Variants in PACSIN2 observed in about 807,000 individuals in gnomAD.
PACSIN2 encodes protein kinase C and casein kinase substrate in neurons 2.
Under a neutral mutation model 63.8 loss-of-function variants are expected in PACSIN2, and 25 were observed. That is an observed-to-expected ratio of 0.39 (90% CI 0.29 to 0.55). The LOEUF (loss-of-function observed/expected upper bound fraction) is 0.55. Among genes scored for constraint, PACSIN2 ranks in the 20% least tolerant of loss-of-function variants. PACSIN2 has a pLI of 0.62. For missense variants in PACSIN2, 518 were observed against 646.9 expected, an observed-to-expected ratio of 0.80 and a Z score of 2.16; for synonymous variants, 255 against 256.2, an observed-to-expected ratio of 1.00 and a Z score of 0.05.
rs1929679126 is a variant in PACSIN2 at position 42,888,772 on chromosome 22, A to G, written c.480T>C (p.His160=). 2 of 1,614,072 alleles carry G rather than the reference A, an allele frequency of 1.2e-6. No individual in the cohort carries two copies. The highest frequency in any genetic ancestry group is 1.7e-6 in the Non-Finnish European group (2 of 1,180,034). ...CCAGCTTCTCCTCTTTGCACGCTGC[A>G]TGGTGGGCTTTCTTTGCTGCTTCTA... ...KEVEAAKKAH[H]AACKEEKLAI... is the part of the protein sequence containing the mutation. The change falls in exon 5 of 11, where the codon CAT becomes CAC. Residue 160 remains histidine, a synonymous_variant. Transcript: ENST00000263246.
Position 42,881,756 on chromosome 22 carries a change from T to C in PACSIN2, c.906+428A>G, listed in dbSNP as rs186286847. 6.0e-4 allele frequency among the ~76,000 whole-genome samples: 91 copies of C among 151,784 alleles called. 1 individual carries two copies. The highest frequency in any genetic ancestry group is 3.1e-3 in the Admixed American group (47 of 15,264). ...AGGGAAAAGTCCTTTGTTGGAAGGG[T>C]AGGGAGGGCTGCCCACTGAGACCAC... On this transcript the variant is annotated intron_variant, in intron 7 of 10. Transcript: ENST00000263246.
chr22:42,872,806 G>A (rs1187317778), intron 10 of PACSIN2, among the ~76,000 whole-genome samples: 1 of 152,260 alleles, frequency 6.6e-6, no homozygotes, highest in Non-Finnish European at 1.5e-5. Flanking sequence ...TGCCGCTTCT[G>A]CCAGACCAGT....
At chr22:42,989,573 G>A (rs1464140305) in intron 1 of PACSIN2, among the ~76,000 whole-genome samples, 5 of 150,102 alleles carry the variant, frequency 3.3e-5, no homozygotes, top group Non-Finnish European at 7.4e-5. Context: ...GAGGCGGGTG[G>A]ATCACGAGGT....
At position 42,876,110 on chromosome 22, in the gene PACSIN2, C is replaced by T. The variant is rs77044416; in HGVS notation, c.1348+27G>A. The T allele has an allele frequency of 3.3e-3, 5,310 of 1,594,952 alleles. 159 individuals carry two copies. In the African/African-American group the frequency reaches 0.061, roughly 18 times the overall value. On this transcript the variant is annotated intron_variant, in intron 10 of 10. Coordinates refer to ENST00000263246, the MANE Select transcript of PACSIN2 (RefSeq NM_001184970.3). ...AGCCTGCAGGTTGGAAGCCCTCCTC[C>T]CCTGGATGCTGGGGGAGCCCACCTA...
At chr22:42,963,315 G>A (rs958920511) in intron 1 of PACSIN2, among the ~76,000 whole-genome samples, 14 of 152,144 alleles carry the variant, frequency 9.2e-5, no homozygotes, top group East Asian at 1.9e-4. Context: ...GGATTAAGGC[G>A]GAAGAAAATT....
intron 2 of PACSIN2, among the ~76,000 whole-genome samples, chr22:42,907,458 C>T (rs919623421): frequency 1.3e-5 from 2 of 152,240 alleles, no homozygotes; most frequent in East Asian, 1.9e-4. Flanking sequence ...ATGTGGGCCA[C>T]TAACCTTCTA....
chr22:42,984,766 G>A (rs941576121), intron 1 of PACSIN2, among the ~76,000 whole-genome samples: 3 of 152,122 alleles, frequency 2.0e-5, no homozygotes, highest in Admixed American at 1.3e-4. Context: ...CTTAACACAA[G>A]GAGGGCAGAA....
chr22:42,890,235 C>T (rs1401607302), intron 4 of PACSIN2, among the ~76,000 whole-genome samples: 2 of 151,972 alleles, frequency 1.3e-5, no homozygotes, highest in Non-Finnish European at 2.9e-5. Context: ...CTCCTGACCT[C>T]GTGATCCGCC....
At position 43,014,739 on chromosome 22, in the gene PACSIN2, C is replaced by T. The variant is rs9607991; in HGVS notation, c.-78+282G>A. ...CGGACCCCGGAAAACTGCCCCGCTC[C>T]CACAGCGCCGCCCCCATGGGCCCCC... On this transcript the variant is annotated intron_variant, in intron 1 of 10. Transcript: ENST00000263246. Among the ~76,000 whole-genome samples the T allele has an allele frequency of 0.22, 33,596 of 150,838 alleles. 4,735 individuals are homozygous for T. The highest frequency in any genetic ancestry group is 0.31 in the Non-Finnish European group (20,900 of 67,382).
chr22:42,966,178 T>C (rs1479569035), intron 1 of PACSIN2, among the ~76,000 whole-genome samples: 1 of 152,094 alleles, frequency 6.6e-6, no homozygotes, highest in Non-Finnish European at 1.5e-5. Flanking sequence ...GAGACCATCT[T>C]GGCCAAAATG....
intron 1 of PACSIN2, among the ~76,000 whole-genome samples, chr22:42,968,389 C>T (rs1176848764): frequency 6.6e-6 from 1 of 152,170 alleles, no homozygotes; most frequent in Non-Finnish European, 1.5e-5. Context: ...TTCCAGGACG[C>T]TACCATTATC....
In PACSIN2 at chr22:42,894,195, C is replaced by T. The variant is rs147787327; in HGVS notation, c.61-582G>A. Among the ~76,000 whole-genome samples, 16 of 151,872 alleles carry T rather than the reference C, an allele frequency of 1.1e-4. No homozygotes were observed. In the East Asian group the frequency reaches 1.9e-3, roughly 18 times the overall value. ...AGGAAACAAAGGCTTAGAGAAGTTA[C>T]GTGGTTTGTCAAGATCCTGCAGCCA... On this transcript the variant is annotated intron_variant, in intron 2 of 10. Coordinates refer to ENST00000263246, the MANE Select transcript of PACSIN2 (RefSeq NM_001184970.3).
chr22:42,989,351 A>G (rs1046105790), intron 1 of PACSIN2, among the ~76,000 whole-genome samples: 16 of 151,740 alleles, frequency 1.1e-4, no homozygotes, highest in African/African-American at 3.9e-4. Flanking sequence ...ACAAAAAATT[A>G]GCTGGGTGTG....
Position 42,913,474 on chromosome 22 carries a change from C to T in PACSIN2, c.-77-1317G>A, listed in dbSNP as rs1445302803. Among the ~76,000 whole-genome samples, 3 of 109,882 alleles carry T rather than the reference C, an allele frequency of 2.7e-5. No individual in the cohort carries two copies. The East Asian group carries it at 8.8e-4, about 32-fold the overall frequency. 72.1% of individuals were successfully genotyped at this position (109,882 alleles called of 152,430 possible). A position where few individuals can be genotyped will look rare whatever the true frequency, so the allele number is the denominator to read the frequency against. ...AGCCTGGGCAACAAGAGCGAAACTC[C>T]GTCTCCAAAAAAAAAAAAAAAAAAA... On this transcript the variant is annotated intron_variant, in intron 1 of 10. Coordinates refer to ENST00000263246, the MANE Select transcript of PACSIN2 (RefSeq NM_001184970.3).
chr22:42,909,923 C>T (rs182364888), intron 2 of PACSIN2, among the ~76,000 whole-genome samples: 11 of 152,316 alleles, frequency 7.2e-5, no homozygotes, highest in African/African-American at 1.9e-4. Flanking sequence ...CCTCAGCTCC[C>T]GTGTCAGAGG....
chr22:43,010,985 T>C (rs1307143138), intron 1 of PACSIN2, among the ~76,000 whole-genome samples: 2 of 152,216 alleles, frequency 1.3e-5, no homozygotes, highest in East Asian at 1.9e-4. Flanking sequence ...CAAAAAATGA[T>C]GTATTGTGCA....
chr22:42,992,815 A>C (rs1923131054), intron 1 of PACSIN2, among the ~76,000 whole-genome samples: 1 of 152,182 alleles, frequency 6.6e-6, no homozygotes, highest in Non-Finnish European at 1.5e-5. Context: ...CAACAATCTC[A>C]AAGTAATTTT....
intron 2 of PACSIN2, among the ~76,000 whole-genome samples, chr22:42,901,546 T>C (rs1430824427): frequency 6.6e-6 from 1 of 152,206 alleles, no homozygotes; most frequent in African/African-American, 2.4e-5. Context: ...TCTCCGTATA[T>C]TTCTGCCCTT....
chr22:42,907,211 A>G (rs1437598309), intron 2 of PACSIN2, among the ~76,000 whole-genome samples: 1 of 152,220 alleles, frequency 6.6e-6, no homozygotes, highest in Non-Finnish European at 1.5e-5. Flanking sequence ...CTGGCTGTCA[A>G]CACATGCTCG....
Sources: allele counts gnomAD v4.1 joint callset (sites outside exome capture counted in the v4.1 genomes callset), GRCh38; gene constraint gnomAD v4.1.1; transcripts MANE v1.5; gene names NCBI Gene and HGNC (gene_info 2026-07-23, HGNC 2026-07-21).